Variants in NRG1 observed in about 807,000 individuals in gnomAD.
NRG1 encodes the protein neuregulin 1, also known as pro-neuregulin-1, membrane-bound isoform.
A neutral mutation model predicts 63.8 loss-of-function variants in NRG1; 18 were observed. The observed-to-expected ratio is 0.28, with a 90% CI of 0.19 to 0.42. NRG1 has a LOEUF of 0.42. Ranked by LOEUF, NRG1 falls within the 10% of genes least tolerant of loss-of-function variation. NRG1 has a pLI of 1.00. For synonymous variants in NRG1, 302 were observed against 301.3 expected (o/e 1.00, Z -0.02); for missense variants, 762 against 814.7 (o/e 0.94, Z 0.79).
At chr8:32,693,458 C>T (rs970326636) in intron 5 of NRG1, among the ~76,000 whole-genome samples, 7 of 151,472 alleles carry the variant, frequency 4.6e-5, no homozygotes, top group African/African-American at 1.2e-4. Flanking sequence ...CCTTGTGATC[C>T]GCCCACCTCG....
At chr8:31,919,169 AT>A (rs1166714629) in intron 1 of NRG1, among the ~76,000 whole-genome samples, 2 of 151,736 alleles carry the variant, frequency 1.3e-5, no homozygotes, top group African/African-American at 2.4e-5. Flanking sequence ...GGATTCATTG[AT>A]TTTTTTGAAG....
intron 1 of NRG1, among the ~76,000 whole-genome samples, chr8:32,556,623 A>G (rs1835217123): frequency 6.6e-6 from 1 of 152,242 alleles, no homozygotes. Context: ...TCACTTTCAC[A>G]GTACTACATC....
intron 1 of NRG1, among the ~76,000 whole-genome samples, chr8:32,060,109 GTAAGTT>G (rs975429188): frequency 1.3e-5 from 2 of 151,658 alleles, no homozygotes; most frequent in African/African-American, 4.8e-5. Context: ...TCCAATTTGT[GTAAGTT>G]TATTAGAGTA....
intron 5 of NRG1, among the ~76,000 whole-genome samples, chr8:32,653,957 CGTGTGTGTGT>C (rs34252278): frequency 6.7e-6 from 1 of 148,692 alleles, no homozygotes; most frequent in Non-Finnish European, 1.5e-5. Flanking sequence ...CGTGTGTATG[CGTGTGTGTGT>C]GTGTGTGTGT....
chr8:31,924,535 T>C (rs2129619350), intron 1 of NRG1, among the ~76,000 whole-genome samples: 1 of 152,208 alleles, frequency 6.6e-6, no homozygotes, highest in East Asian at 1.9e-4. Flanking sequence ...GAGTTTTAAT[T>C]GTATTAGATT....
intron 1 of NRG1, among the ~76,000 whole-genome samples, chr8:31,677,507 G>A (rs566059321): frequency 2.0e-5 from 3 of 152,160 alleles, no homozygotes; most frequent in South Asian, 2.1e-4. Flanking sequence ...AAAATCCACC[G>A]ATGTCAGAGG....
chr8:32,539,798 A>AG (rs1361788797), intron 1 of NRG1, among the ~76,000 whole-genome samples: 1 of 152,200 alleles, frequency 6.6e-6, no homozygotes, highest in Non-Finnish European at 1.5e-5. Context: ...AGGAAAAAAA[A>AG]AAGATTTAAG....
At chr8:32,723,248 C>A (rs992765537) in intron 5 of NRG1, among the ~76,000 whole-genome samples, 1 of 152,110 alleles carries the variant, frequency 6.6e-6, no homozygotes, top group Non-Finnish European at 1.5e-5. Context: ...CCTGATTCTT[C>A]CCAGCCAACT....
intron 1 of NRG1, among the ~76,000 whole-genome samples, chr8:32,344,358 C>CTT (rs869114763): frequency 0.012 from 722 of 59,806 alleles, 19 homozygotes; most frequent in Non-Finnish European, 0.017. Context: ...TTCTTTCTTT[C>CTT]TTTCTTTCTT....
chr8:31,751,786 A>C (rs1024924238), intron 1 of NRG1, among the ~76,000 whole-genome samples: 14 of 151,976 alleles, frequency 9.2e-5, no homozygotes, highest in Non-Finnish European at 2.1e-4. Flanking sequence ...CATTGATATG[A>C]AGATGTGAGG....
intron 1 of NRG1, among the ~76,000 whole-genome samples, chr8:32,462,681 G>A (rs968639606): frequency 3.7e-5 from 5 of 134,220 alleles, no homozygotes; most frequent in Non-Finnish European, 6.1e-5. Context: ...TCGGCTCACT[G>A]CAACTTCTGC....
chr8:31,820,697 A>G (rs2129603474), intron 1 of NRG1, among the ~76,000 whole-genome samples: 1 of 152,370 alleles, frequency 6.6e-6, no homozygotes, highest in African/African-American at 2.4e-5. Context: ...CAATTAGCAA[A>G]TAAAAAAGTT....
At chr8:31,732,954 C>T (rs10283168) in intron 1 of NRG1, among the ~76,000 whole-genome samples, 13,100 of 152,082 alleles carry the variant, frequency 0.086, 1,861 homozygotes, top group African/African-American at 0.3. Context: ...ATTATTTATT[C>T]CTCTCCTATG....
intron 1 of NRG1, among the ~76,000 whole-genome samples, chr8:31,859,648 C>T (rs1015027067): frequency 5.3e-5 from 8 of 152,194 alleles, no homozygotes; most frequent in Admixed American, 5.2e-4. Flanking sequence ...GGGATATCTG[C>T]ATATCTGAGC....
rs1824388816 is a variant in NRG1, at chr8:32,734,029, G to C, written c.632+5951G>C. 2.0e-5 allele frequency among the ~76,000 whole-genome samples: 3 copies of C among 152,190 alleles called. No individual in the cohort carries two copies. In the South Asian group the frequency reaches 6.2e-4, roughly 31 times the overall value. ...GCCACTTAATGACCTCTGAAGGTCA[G>C]GCAGAGGACTTTGGGTATTGTAATA... On this transcript the variant is annotated intron_variant, in intron 6 of 11. Transcript: ENST00000356819.
intron 5 of NRG1, among the ~76,000 whole-genome samples, chr8:32,718,500 A>C (rs1819816098): frequency 6.6e-6 from 1 of 152,138 alleles, no homozygotes; most frequent in African/African-American, 2.4e-5. Flanking sequence ...CATTAGTTTC[A>C]TTAATTATGG....
At position 32,562,563 on chromosome 8, in the gene NRG1, T is replaced by C. The variant is rs910682875; in HGVS notation, c.100+13737T>C. ...TGTGCCTGGCTTGCCAGTGATGGAT[T>C]CAAAGTCGCCTCTGGGTTGTAACCA... On this transcript the variant is annotated intron_variant, in intron 1 of 11. Transcript: ENST00000356819. Among the ~76,000 whole-genome samples, 6 of 152,106 alleles carry C rather than the reference T, an allele frequency of 3.9e-5. No individual in the cohort carries two copies. In the East Asian group the frequency reaches 1.2e-3, roughly 29 times the overall value.
chr8:32,409,885 C>T (rs1814642979), intron 1 of NRG1, among the ~76,000 whole-genome samples: 1 of 152,180 alleles, frequency 6.6e-6, no homozygotes, highest in Non-Finnish European at 1.5e-5. Flanking sequence ...CGCAACCTTG[C>T]TGATGGATTT....
chr8:32,390,136 C>T (rs866412302), intron 1 of NRG1, among the ~76,000 whole-genome samples: 1 of 152,108 alleles, frequency 6.6e-6, no homozygotes, highest in South Asian at 2.1e-4. Context: ...ATTCTCTATG[C>T]CTGGGCTACA....
Sources: allele counts gnomAD v4.1 joint callset (sites outside exome capture counted in the v4.1 genomes callset), GRCh38; gene constraint gnomAD v4.1.1; transcripts MANE v1.5; gene names NCBI Gene and HGNC (gene_info 2026-07-23, HGNC 2026-07-21).